SH3TC2: variants seen among roughly 807,000 people sequenced by gnomAD.
SH3TC2 encodes SH3 domain and tetratricopeptide repeats 2, also known as SH3 domain and tetratricopeptide repeat-containing protein 2.
In SH3TC2, 87 loss-of-function variants were observed where a neutral mutation model predicts 124.5. The observed-to-expected ratio is 0.70, with a 90% CI of 0.59 to 0.84. The LOEUF is 0.84. Among genes scored for constraint, SH3TC2 ranks in the 40% least tolerant of loss-of-function variants. The pLI is 0.00. For synonymous variants in SH3TC2, 634 were observed against 628.5 expected, an observed-to-expected ratio of 1.01 and a Z score of -0.13; for missense variants, 1,536 against 1,566.4, an observed-to-expected ratio of 0.98 and a Z score of 0.33.
chr5:149,027,894 A>C lies in SH3TC2; in HGVS notation c.1838T>G (p.Leu613Arg). 1 of 1,613,956 alleles carries C rather than the reference A, an allele frequency of 6.2e-7. No individual in the cohort carries two copies. Among genetic ancestry groups the C allele is most frequent in the Non-Finnish European group, 8.5e-7 (1 of 1,180,024 alleles). The change falls in exon 11 of 17, where the codon CTC (leucine) becomes CGC (arginine). Residue 613 changes from leucine to arginine, a missense_variant. Physicochemically the swap from Leu to Arg is moderately radical, Grantham distance 102 (BLOSUM62 -2). This residue lies in a region of SH3TC2 where 1,102 missense variants were observed against 1,098.6 expected (regional missense o/e 1.00). Transcript: ENST00000515425. ...PDRESSAKHELDVVAYVLRQG... is the reference protein window; with the variant it reads ...PDRESSAKHERDVVAYVLRQG... Reference sequence around the variant, plus strand: ...GCGCAGCACGTAGGCCACCACGTCGAGTTCATGCTTGGCACTAGACTCACG... The same window carrying C: ...GCGCAGCACGTAGGCCACCACGTCGCGTTCATGCTTGGCACTAGACTCACG...
Position 149,024,719 on chromosome 5 carries a change from C to T in SH3TC2, c.3053+1853G>A, listed in dbSNP as rs114453609. 7.3e-3 allele frequency among the ~76,000 whole-genome samples: 1,119 copies of T among 152,314 alleles called. 10 individuals carry two copies. Among genetic ancestry groups the T allele is most frequent in the African/African-American group, 0.026 (1,084 of 41,566 alleles). On this transcript the variant is annotated intron_variant, in intron 12 of 16. Transcript: ENST00000515425. ...CCAGCTCTGTGGCTTCTGACTCCCTCCAGTAACTTCTTGGGCCATCTGTAG... is the reference window on the plus strand; with the variant it reads ...CCAGCTCTGTGGCTTCTGACTCCCTTCAGTAACTTCTTGGGCCATCTGTAG...
chr5:149,004,785 G>A lies in SH3TC2; in HGVS notation c.3793C>T (p.Leu1265=), dbSNP rs768737678. 5 of 1,614,074 alleles carry A rather than the reference G, an allele frequency of 3.1e-6. No homozygotes were observed. The South Asian group carries it at 5.5e-5, about 18-fold the overall frequency. The change falls in exon 17 of 17, where the codon CTG becomes TTG. Residue 1265 remains leucine (L), a synonymous_variant. Transcript: ENST00000515425. ...SRLDNICQSP[L]WHSRPSGCSS... is the part of the protein sequence containing the mutation. ...CACCCGGAGGGCCTGCTGTGCCACA[G>A]GGGGCTCTGGCAGATGTTGTCCAGC...
At chr5:149,045,925 G>C (rs568452232) in intron 3 of SH3TC2, 1 of 402,134 alleles carries the variant, frequency 2.5e-6, no homozygotes, top group South Asian at 1.8e-5. Flanking sequence ...GATTACAGGC[G>C]TGAGCCACCG....
rs183666090 is a variant in SH3TC2 at position 149,058,522 on chromosome 5, A to G, written c.52+4449T>C. Among the ~76,000 whole-genome samples, 3 of 151,402 alleles carry G rather than the reference A, an allele frequency of 2.0e-5. No individual in the cohort carries two copies. In the East Asian group the frequency reaches 5.8e-4, roughly 29 times the overall value. On this transcript the variant is annotated intron_variant, in intron 1 of 16. Coordinates refer to ENST00000515425, the MANE Select transcript of SH3TC2 (RefSeq NM_024577.4). Reference sequence around the variant, plus strand: ...GAAGTGTCCATTCCAACATTTTGCAATTGTTATTGGGTTATTTATCTTATC... The same window carrying G: ...GAAGTGTCCATTCCAACATTTTGCAGTTGTTATTGGGTTATTTATCTTATC...
chr5:149,028,604 G>C, intron 10 of SH3TC2, 50 bp from the exon 11 acceptor site: 1 of 1,614,208 alleles, frequency 6.2e-7, no homozygotes, highest in Non-Finnish European at 8.5e-7. Context: ...CACCTAAGGT[G>C]GCCGCTCTTG....
At chr5:149,039,029 A>C (rs1362308290) in intron 7 of SH3TC2, among the ~76,000 whole-genome samples, 2 of 152,226 alleles carry the variant, frequency 1.3e-5, no homozygotes, top group African/African-American at 2.4e-5. Context: ...AAAGAGAATC[A>C]AAGAGATACA....
rs1232291864 is a variant in SH3TC2, at chr5:148,995,187, C to T, written c.*9524G>A. 6.6e-6 allele frequency among the ~76,000 whole-genome samples: 1 copy of T among 152,144 alleles called. No homozygotes were observed. Among genetic ancestry groups the T allele is most frequent in the Non-Finnish European group, 1.5e-5 (1 of 68,014 alleles). On this transcript the variant is annotated 3_prime_UTR_variant, in exon 17 of 17. Coordinates refer to ENST00000515425, the MANE Select transcript of SH3TC2 (RefSeq NM_024577.4). ...AAGAGAAATATTTATCTTGAAGATC[C>T]TAAGTTCTGAAAGAGAAAACGTGTA...
chr5:149,037,937 T>C (rs1318991903), intron 8 of SH3TC2, among the ~76,000 whole-genome samples: 1 of 152,178 alleles, frequency 6.6e-6, no homozygotes, highest in Admixed American at 6.5e-5. Flanking sequence ...ATGCTGCTAA[T>C]CTATTTCTCC....
chr5:149,003,191 G>C lies in SH3TC2; in HGVS notation c.*1520C>G, dbSNP rs1753624690. ...TTCCTCACCATCTGGTATTCAAGCT[G>C]TTGGTAAACACTCCCCTCTTGTGGG... On this transcript the variant is annotated 3_prime_UTR_variant, in exon 17 of 17. Coordinates refer to ENST00000515425, the MANE Select transcript of SH3TC2 (RefSeq NM_024577.4). 1 of 152,236 alleles carries C rather than the reference G, an allele frequency of 6.6e-6. No individual in the cohort carries two copies. The highest frequency in any genetic ancestry group is 1.5e-5 in the Non-Finnish European group (1 of 68,048). The allele number at this position is 152,236 out of a possible 1,614,324, so 9.4% of individuals were successfully genotyped here. A position where few individuals can be genotyped will look rare whatever the true frequency, so the allele number is the denominator to read the frequency against.
Position 148,992,123 on chromosome 5 carries a change from T to C in SH3TC2, c.*12588A>G, listed in dbSNP as rs767439910. On this transcript the variant is annotated 3_prime_UTR_variant, in exon 17 of 17. Coordinates refer to ENST00000515425, the MANE Select transcript of SH3TC2 (RefSeq NM_024577.4). ...ATCACTAGGTAATAAGAGGTAACAATTGAACATTTAGCTGTTTCATCCAAC... is the reference window on the plus strand; with the variant it reads ...ATCACTAGGTAATAAGAGGTAACAACTGAACATTTAGCTGTTTCATCCAAC... 6.6e-6 allele frequency among the ~76,000 whole-genome samples: 1 copy of C among 152,182 alleles called. No homozygotes were observed. The highest frequency in any genetic ancestry group is 2.4e-5 in the African/African-American group (1 of 41,442).
Position 149,004,767 on chromosome 5 carries a change from A to C in SH3TC2, c.3811T>G (p.Ser1271Ala). 1 of 1,613,986 alleles carries C rather than the reference A, an allele frequency of 6.2e-7. No homozygotes were observed. The highest frequency in any genetic ancestry group is 8.5e-7 in the Non-Finnish European group (1 of 1,179,998). Residue 1271 changes from serine to alanine, a missense_variant, in exon 17 of 17, where the codon TCC (serine) becomes GCC (alanine). Transcript: ENST00000515425. Reference sequence around the variant, plus strand: ...CGCGCCCTCTCTGAGGAGCACCCGGAGGGCCTGCTGTGCCACAGGGGGCTC... The same window carrying C: ...CGCGCCCTCTCTGAGGAGCACCCGGCGGGCCTGCTGTGCCACAGGGGGCTC... ...CQSPLWHSRPSGCSSERARWL... is the reference protein window; with the variant it reads ...CQSPLWHSRPAGCSSERARWL...
At chr5:149,030,117 C>G (rs2127398201) in intron 9 of SH3TC2, among the ~76,000 whole-genome samples, 1 of 152,340 alleles carries the variant, frequency 6.6e-6, no homozygotes, top group East Asian at 1.9e-4. Context: ...ATGCCCTGGC[C>G]TCTCTGATGT....
At chr5:149,021,281 C>T (rs549177713) in intron 12 of SH3TC2, among the ~76,000 whole-genome samples, 52 of 152,056 alleles carry the variant, frequency 3.4e-4, no homozygotes, top group African/African-American at 1.2e-3. Flanking sequence ...ATGGCGTAGG[C>T]ACAATACTCA....
rs1233415274 is a variant in SH3TC2, at chr5:148,995,845, A to C, written c.*8866T>G. 6.6e-6 allele frequency among the ~76,000 whole-genome samples: 1 copy of C among 152,180 alleles called. No individual in the cohort carries two copies. Among genetic ancestry groups the C allele is most frequent in the Non-Finnish European group, 1.5e-5 (1 of 68,038 alleles). On this transcript the variant is annotated 3_prime_UTR_variant, in exon 17 of 17. Transcript: ENST00000515425. The stretch of plus-strand genomic sequence containing the variant: ...GGATTATTAAAATAAAAAAACTCAC[A>C]TAAAGTACACTTTTAAACTATGATA...
intron 12 of SH3TC2, among the ~76,000 whole-genome samples, chr5:149,013,029 A>C (rs1753810576): frequency 6.6e-6 from 1 of 152,196 alleles, no homozygotes; most frequent in African/African-American, 2.4e-5. Flanking sequence ...AACAGTGCCT[A>C]TTACGTCCTT....
chr5:149,052,705 T>C (rs1365598642), intron 1 of SH3TC2, among the ~76,000 whole-genome samples: 1 of 152,224 alleles, frequency 6.6e-6, no homozygotes, highest in East Asian at 1.9e-4. Flanking sequence ...CTGTCCTGTC[T>C]GCCCCTTAAA....
intron 9 of SH3TC2, among the ~76,000 whole-genome samples, chr5:149,030,312 G>A (rs985773085): frequency 2.0e-5 from 3 of 152,210 alleles, no homozygotes; most frequent in Non-Finnish European, 4.4e-5. Flanking sequence ...GCTTGTCTTG[G>A]TGCTGGGGCA....
rs80354327 is a variant in SH3TC2 at position 149,013,332 on chromosome 5, C to T, written c.3054-598G>A. ...GTTGTATCAAGGGTAGTTCCCCTGC[C>T]ATTTAAGATGTGCCTTTGCTCCTCC... is the stretch of plus-strand genomic sequence containing the variant. On this transcript the variant is annotated intron_variant, in intron 12 of 16. Transcript: ENST00000515425. 4.5e-3 allele frequency among the ~76,000 whole-genome samples: 689 copies of T among 152,204 alleles called. 5 individuals carry two copies. The highest frequency in any genetic ancestry group is 0.016 in the African/African-American group (664 of 41,532).
In SH3TC2 at chr5:149,058,141, T is replaced by C. The variant is rs564837287; in HGVS notation, c.52+4830A>G. ...TTAGCAATATCTGAAGAAAAAAACC[T>C]AGATTTTCAGTTATTAATCAATAAA... On this transcript the variant is annotated intron_variant, in intron 1 of 16. Coordinates refer to ENST00000515425, the MANE Select transcript of SH3TC2 (RefSeq NM_024577.4). 1.5e-4 allele frequency among the ~76,000 whole-genome samples: 23 copies of C among 152,338 alleles called. No individual in the cohort carries two copies. The South Asian group carries it at 4.6e-3, about 30-fold the overall frequency.
Sources: gnomAD v4.1 joint callset for allele counts (sites outside exome capture counted in the v4.1 genomes callset) on GRCh38, gnomAD v4.1.1 for gene constraint, gnomAD v4.1.1 regional missense constraint, MANE v1.5 for transcripts, NCBI Gene and HGNC (gene_info 2026-07-23, HGNC 2026-07-21) for gene names.